Variants in RYR2 observed in about 807,000 individuals in gnomAD.
RYR2 encodes cardiac muscle ryanodine receptor-calcium release channel.
Under a neutral mutation model 601.1 loss-of-function variants are expected in RYR2, and 227 were observed. That is an observed-to-expected ratio of 0.38 (90% confidence interval 0.34 to 0.42). The LOEUF is 0.42. Among genes scored for constraint, RYR2 ranks in the 10% least tolerant of loss-of-function variants. The pLI, the probability that RYR2 is intolerant of heterozygous loss-of-function variation, is 1.00. For synonymous variants in RYR2, 2,223 were observed against 2,175.1 expected (o/e 1.02, Z -0.61); for missense variants, 4,646 against 6,156.5 (o/e 0.75, Z 8.21).
intron 1 of RYR2, among the ~76,000 whole-genome samples, chr1:237,131,699 C>A (rs993404207): frequency 4.1e-4 from 63 of 152,122 alleles, no homozygotes; most frequent in African/African-American, 1.4e-3. Flanking sequence ...TCTAAGATGG[C>A]CTGTAATGAT....
intron 78 of RYR2, among the ~76,000 whole-genome samples, chr1:237,732,429 CACAA>C (rs1690773560): frequency 1.3e-5 from 2 of 152,066 alleles, no homozygotes; most frequent in South Asian, 4.1e-4. Context: ...TTCTGTTTAT[CACAA>C]ACAAACTTTA....
At chr1:237,670,308 C>A (rs1340981443) in intron 58 of RYR2, among the ~76,000 whole-genome samples, 1 of 92,834 alleles carries the variant, frequency 1.1e-5, no homozygotes, top group Non-Finnish European at 2.0e-5. Context: ...GAGAGGGAGA[C>A]TGGAGAGGGA....
At chr1:237,119,599 G>A (rs207461251) in intron 1 of RYR2, among the ~76,000 whole-genome samples, 1 of 152,288 alleles carries the variant, frequency 6.6e-6, no homozygotes, top group East Asian at 1.9e-4. Context: ...TGGCCAGTTT[G>A]TTTGGAGGAT....
At chr1:237,285,655 G>A (rs12061382) in intron 2 of RYR2, among the ~76,000 whole-genome samples, 13 of 152,120 alleles carry the variant, frequency 8.5e-5, no homozygotes, top group African/African-American at 2.4e-4. Context: ...GTCTGGTCCT[G>A]GACATTTTTG....
chr1:237,220,922 G>T (rs1301630007), intron 1 of RYR2, among the ~76,000 whole-genome samples: 3 of 151,934 alleles, frequency 2.0e-5, no homozygotes, highest in Admixed American at 2.0e-4. Context: ...AACCCCATCT[G>T]TACTAAAAAT....
chr1:237,803,764 T>C (rs1449636431), intron 98 of RYR2, among the ~76,000 whole-genome samples: 2 of 152,198 alleles, frequency 1.3e-5, no homozygotes, highest in Admixed American at 6.5e-5. Flanking sequence ...ATTATTCATA[T>C]GGACTCCTCC....
intron 3 of RYR2, among the ~76,000 whole-genome samples, chr1:237,343,430 G>A (rs950504742): frequency 6.6e-6 from 1 of 152,166 alleles, no homozygotes; most frequent in East Asian, 1.9e-4. Flanking sequence ...ATTCTGTGTA[G>A]AGTAAATAGT....
At chr1:237,782,882 C>T (rs1644097850) in intron 89 of RYR2, among the ~76,000 whole-genome samples, 1 of 152,158 alleles carries the variant, frequency 6.6e-6, no homozygotes, top group Non-Finnish European at 1.5e-5. Context: ...TCAAACCCAA[C>T]AATGTGGCTC....
At chr1:237,636,705 A>G (rs1680910603) in intron 44 of RYR2, among the ~76,000 whole-genome samples, 1 of 152,210 alleles carries the variant, frequency 6.6e-6, no homozygotes, top group Non-Finnish European at 1.5e-5. Context: ...AGGAAAATAT[A>G]TGTCCACACA....
chr1:237,131,419 G>A (rs1672160957), intron 1 of RYR2, among the ~76,000 whole-genome samples: 2 of 152,038 alleles, frequency 1.3e-5, no homozygotes, highest in Admixed American at 1.3e-4. Flanking sequence ...GGGTGGGGAG[G>A]GGGAACAAGG....
chr1:237,789,022 GTATAAT>G (rs1206899277), intron 92 of RYR2, among the ~76,000 whole-genome samples: 1 of 150,918 alleles, frequency 6.6e-6, no homozygotes, highest in Non-Finnish European at 1.5e-5. Context: ...GTGTATATAT[GTATAAT>G]TATATGTGTG....
chr1:237,077,590 T>A (rs1228193629), intron 1 of RYR2, among the ~76,000 whole-genome samples: 2 of 125,594 alleles, frequency 1.6e-5, no homozygotes, highest in Non-Finnish European at 3.5e-5. Context: ...CCTAAATATT[T>A]ATGCACCCAA....
chr1:237,505,005 T>C (rs1665071033), intron 22 of RYR2, among the ~76,000 whole-genome samples: 1 of 152,198 alleles, frequency 6.6e-6, no homozygotes, highest in Non-Finnish European at 1.5e-5. Context: ...ACATGGAGTT[T>C]TCAATTTCTT....
intron 1 of RYR2, among the ~76,000 whole-genome samples, chr1:237,219,382 A>T (rs1489858058): frequency 2.0e-5 from 3 of 152,058 alleles, no homozygotes; most frequent in South Asian, 2.1e-4. Flanking sequence ...CACATATCCC[A>T]TTCCGACGTG....
At chr1:237,324,331 C>T (rs202150152) in intron 2 of RYR2, among the ~76,000 whole-genome samples, 6 of 152,144 alleles carry the variant, frequency 3.9e-5, no homozygotes, top group East Asian at 1.9e-4. Flanking sequence ...CTTTATCTTT[C>T]GGAGGACATA....
Position 237,798,170 on chromosome 1 carries a change from T to C in RYR2, c.14090T>C (p.Val4697Ala), listed in dbSNP as rs1391313529. ...AAGAAAGACAGCTCCTTATCAGCTG[T>C]GTAAGTGTTACTTCGGCTCTATCCT... ...KPKKDSSLSA[V>A]LNSIDVKYQM... The change falls in exon 97 of 105, where the codon GTA becomes GCA. Residue 4697 changes from valine (V) to alanine (A), a missense_variant and splice_region_variant. By Grantham distance (64) the Val-to-Ala change is moderately conservative (BLOSUM62 0). This residue lies in a region of RYR2 where 76 missense variants were observed against 97.4 expected (regional missense o/e 0.78). Coordinates refer to ENST00000366574, the MANE Select transcript of RYR2 (RefSeq NM_001035.3). The C allele has an allele frequency of 1.2e-6, 2 of 1,611,972 alleles. No homozygotes were observed. Among genetic ancestry groups the C allele is most frequent in the Non-Finnish European group, 1.7e-6 (2 of 1,179,120 alleles).
chr1:237,454,439 G>A lies in RYR2; in HGVS notation c.1341G>A (p.Leu447=). The change falls in exon 15 of 105, where the codon TTG becomes TTA. Residue 447 remains leucine (L), a synonymous_variant. Coordinates refer to ENST00000366574, the MANE Select transcript of RYR2 (RefSeq NM_001035.3). ...SKKAKASTVD[L]PIESVSLSLQ... ...AAGCGAAGGCTTCCACAGTCGATTT[G>A]CCTATAGAGTCCGTAAGCCTAAGTC... 1 of 1,613,466 alleles carries A rather than the reference G, an allele frequency of 6.2e-7. No homozygotes were observed.
chr1:237,160,869 A>G (rs1044395771), intron 1 of RYR2, among the ~76,000 whole-genome samples: 2 of 152,150 alleles, frequency 1.3e-5, no homozygotes, highest in African/African-American at 4.8e-5. Flanking sequence ...TTTATATTTT[A>G]TTACTAATGA....
chr1:237,755,730 A>G (rs1692898761), intron 80 of RYR2, among the ~76,000 whole-genome samples: 2 of 152,130 alleles, frequency 1.3e-5, no homozygotes, highest in African/African-American at 4.8e-5. Context: ...TGCATCTCTT[A>G]TTCTTTGGGG....
Sources: gnomAD v4.1 joint callset for allele counts (sites outside exome capture counted in the v4.1 genomes callset) on GRCh38, gnomAD v4.1.1 for gene constraint, gnomAD v4.1.1 regional missense constraint, MANE v1.5 for transcripts, NCBI Gene and HGNC (gene_info 2026-07-23, HGNC 2026-07-21) for gene names.